Variants in SSU72 observed in about 807,000 individuals in gnomAD.
SSU72 encodes RNA polymerase II subunit A C-terminal domain phosphatase SSU72.
SSU72 carries 12 observed loss-of-function variants against 22.7 expected under a neutral mutation model. The ratio of observed to expected loss-of-function variants is 0.53; its 90% CI spans 0.34 to 0.86. The LOEUF is 0.86. Among genes scored for constraint, SSU72 ranks in the 40% least tolerant of loss-of-function variants. The pLI is 0.02. For synonymous variants in SSU72, 116 were observed against 98.3 expected (o/e 1.18, Z -1.06); for missense variants, 151 against 249.8 (o/e 0.60, Z 2.67).
intron 1 of SSU72, 56 bp downstream of exon 1, chr1:1,574,422 G>A (rs983680380): frequency 3.3e-6 from 5 of 1,532,648 alleles, no homozygotes; most frequent in African/African-American, 1.4e-5. Context: ...AACCGGGGAG[G>A]AGGGAGGGCC....
At position 1,574,549 on chromosome 1, in the gene SSU72, C is replaced by T; in HGVS notation, c.9G>A (p.Ser3=). The T allele has an allele frequency of 6.3e-7, 1 of 1,588,476 alleles. No homozygotes were observed. Among genetic ancestry groups the T allele is most frequent in the Non-Finnish European group, 8.5e-7 (1 of 1,170,208 alleles). MP[S]SPLRVAVVCS... is the part of the protein sequence containing the mutation. ...ACACCACCGCCACCCGCAGCGGGGA[C>T]GACGGCATGGCGGCGGCCGCAAATC... Residue 3 remains serine, a synonymous_variant, in exon 1 of 5, where the codon TCG becomes TCA. Transcript: ENST00000291386.
At position 1,574,459 on chromosome 1, in the gene SSU72, C is replaced by T. The variant is rs1305875943; in HGVS notation, c.80+19G>A. ...GTCGCCGGAGCAGAGCGCGCGGGGACAGGGTGGAGCCCAACTACCTGAGGA... is the reference window on the plus strand; with the variant it reads ...GTCGCCGGAGCAGAGCGCGCGGGGATAGGGTGGAGCCCAACTACCTGAGGA... On this transcript the variant is annotated intron_variant, in intron 1 of 4. Coordinates refer to ENST00000291386, the MANE Select transcript of SSU72 (RefSeq NM_014188.3). 1.6e-5 allele frequency: 26 copies of T among 1,587,626 alleles called. No homozygotes were observed. The highest frequency in any genetic ancestry group is 2.2e-5 in the Non-Finnish European group (26 of 1,169,690).
At chr1:1,544,446 C>T (rs936877780) in intron 3 of SSU72, among the ~76,000 whole-genome samples, 2 of 151,994 alleles carry the variant, frequency 1.3e-5, no homozygotes, top group Non-Finnish European at 2.9e-5. Flanking sequence ...GGTGAAACCC[C>T]GTCTCTACTA....
chr1:1,570,972 C>T (rs1030246027), intron 1 of SSU72, among the ~76,000 whole-genome samples: 1 of 151,908 alleles, frequency 6.6e-6, no homozygotes, highest in Non-Finnish European at 1.5e-5. Flanking sequence ...TTTGGCCGGG[C>T]GCGGTGGCTC....
chr1:1,544,752 C>G, intron 3 of SSU72, 111 bp downstream of exon 3: 1 of 1,518,352 alleles, frequency 6.6e-7, no homozygotes, highest in Non-Finnish European at 9.1e-7. Flanking sequence ...GTCTGCTCCC[C>G]GGCCCCCGCC....
intron 1 of SSU72, 111 bp from the exon 2 acceptor site, chr1:1,565,027 G>C (rs562590810): frequency 5.0e-6 from 7 of 1,390,040 alleles, no homozygotes; most frequent in Admixed American, 2.6e-5. Context: ...TTGGCTCATA[G>C]TAGAGAATAT....
chr1:1,574,751 G>T lies in SSU72; in HGVS notation c.-194C>A. 2.8e-6 allele frequency: 1 copy of T among 355,282 alleles called. No homozygotes were observed. The highest frequency in any genetic ancestry group is 4.8e-6 in the Non-Finnish European group (1 of 208,376). The allele number at this position is 355,282 out of a possible 1,614,324, so 22.0% of individuals were successfully genotyped here. A position where few individuals can be genotyped will look rare whatever the true frequency, so the allele number is the denominator to read the frequency against. ...GCGCCGGGCCGCGGACGGAGCGCAG[G>T]CACTGGCCTTCGGGCGCGCTGCACT... On this transcript the variant is annotated 5_prime_UTR_variant, in exon 1 of 5. Coordinates refer to ENST00000291386, the MANE Select transcript of SSU72 (RefSeq NM_014188.3).
chr1:1,574,427 AG>A, intron 1 of SSU72, 50 bp downstream of exon 1: 1 of 1,539,632 alleles, frequency 6.5e-7, no homozygotes, highest in Non-Finnish European at 8.8e-7. Context: ...GGGAGGAGGG[AG>A]GGCCGGTCGC....
intron 2 of SSU72, among the ~76,000 whole-genome samples, chr1:1,552,969 C>T (rs1001010486): frequency 2.0e-5 from 3 of 147,460 alleles, no homozygotes; most frequent in Admixed American, 1.4e-4. Context: ...TGCAGTGAGC[C>T]GAGATTGCGC....
rs554292758 is a variant in SSU72, at chr1:1,555,355, G to T, written c.224+9418C>A. ...CTCCTGGGAGCCTCGCTCCAGCGAGGACAGAGCTGCAGCTCAGCACAGTGA... is the reference window on the plus strand; with the variant it reads ...CTCCTGGGAGCCTCGCTCCAGCGAGTACAGAGCTGCAGCTCAGCACAGTGA... On this transcript the variant is annotated intron_variant, in intron 2 of 4. Coordinates refer to ENST00000291386, the MANE Select transcript of SSU72 (RefSeq NM_014188.3). Among the ~76,000 whole-genome samples, 3 of 152,332 alleles carry T rather than the reference G, an allele frequency of 2.0e-5. No homozygotes were observed. The East Asian group carries it at 5.8e-4, about 29-fold the overall frequency.
rs993462408 is a variant in SSU72, at chr1:1,554,318, G to A, written c.225-9316C>T. 1.3e-5 allele frequency among the ~76,000 whole-genome samples: 2 copies of A among 151,898 alleles called. No homozygotes were observed. The highest frequency in any genetic ancestry group is 4.8e-5 in the African/African-American group (2 of 41,356). On this transcript the variant is annotated intron_variant, in intron 2 of 4. Coordinates refer to ENST00000291386, the MANE Select transcript of SSU72 (RefSeq NM_014188.3). The surrounding 1 kb of genome is among the most constrained non-coding windows in gnomAD (Gnocchi z 4.1). ...ATCCGGACCACTCGGGGGTCCCCACGAAGCTGAGCATGAGGCGGATCCGGA... is the reference window on the plus strand; with the variant it reads ...ATCCGGACCACTCGGGGGTCCCCACAAAGCTGAGCATGAGGCGGATCCGGA...
intron 1 of SSU72, among the ~76,000 whole-genome samples, chr1:1,569,797 C>T (rs1052179677): frequency 6.6e-5 from 10 of 152,168 alleles, no homozygotes; most frequent in African/African-American, 2.4e-4. Context: ...GCCACCTTGC[C>T]AGGCCCAAAA....
At chr1:1,555,536 A>G (rs1455335894) in intron 2 of SSU72, among the ~76,000 whole-genome samples, 1 of 152,190 alleles carries the variant, frequency 6.6e-6, no homozygotes, top group Non-Finnish European at 1.5e-5. Context: ...CGAGTGTGCC[A>G]CAAGCGTGGA....
Position 1,543,965 on chromosome 1 carries a change from C to G in SSU72, c.387G>C (p.Glu129Asp). Residue 129 changes from glutamate to aspartate, a missense_variant, in exon 4 of 5, where the codon GAG (glutamate) becomes GAC (aspartate). Glu to Asp is a conservative substitution (Grantham distance 45, BLOSUM62 2). Transcript: ENST00000291386. ...TGACCACGTGCACAGGCTGGCAGGTCTCCTGTTCTCTGGAATTCAGATCTG... is the reference window on the plus strand; with the variant it reads ...TGACCACGTGCACAGGCTGGCAGGTGTCCTGTTCTCTGGAATTCAGATCTG... The part of the protein sequence containing the change: ...VVEDLNSREQ[E>D]TCQPVHVVNV... 6.2e-7 allele frequency: 1 copy of G among 1,613,796 alleles called. No homozygotes were observed. Among genetic ancestry groups the G allele is most frequent in the Non-Finnish European group, 8.5e-7 (1 of 1,179,868 alleles).
At position 1,552,486 on chromosome 1, in the gene SSU72, G is replaced by T. The variant is rs1204494123; in HGVS notation, c.225-7484C>A. ...GTGACTGACAGCACCTTCTACCAGG[G>T]TCTTGGTGCCTGAGCTGTGCCCCAC... is the stretch of plus-strand genomic sequence containing the variant. On this transcript the variant is annotated intron_variant, in intron 2 of 4. Transcript: ENST00000291386. Among the ~76,000 whole-genome samples, 4 of 152,206 alleles carry T rather than the reference G, an allele frequency of 2.6e-5. No individual in the cohort carries two copies. In the East Asian group the frequency reaches 7.7e-4, roughly 29 times the overall value.
intron 2 of SSU72, among the ~76,000 whole-genome samples, chr1:1,555,017 C>T (rs1401964512): frequency 6.6e-6 from 1 of 152,134 alleles, no homozygotes; most frequent in African/African-American, 2.4e-5. Context: ...ATGACTCATC[C>T]CAGAGCATGC....
In SSU72 at chr1:1,544,840, C is replaced by T. The variant is rs746389742; in HGVS notation, c.364+23G>A. The T allele has an allele frequency of 1.9e-6, 3 of 1,613,958 alleles. No homozygotes were observed. The African/African-American group carries it at 4.0e-5, about 22-fold the overall frequency. Reference sequence around the variant, plus strand: ...CCTGTGAGAGCTGCTGGAGCCCAGCCCAGCACGCAGCCGCCTCCTCACCTT... The same window carrying T: ...CCTGTGAGAGCTGCTGGAGCCCAGCTCAGCACGCAGCCGCCTCCTCACCTT... On this transcript the variant is annotated intron_variant, in intron 3 of 4. Transcript: ENST00000291386.
intron 4 of SSU72, among the ~76,000 whole-genome samples, chr1:1,543,260 G>C (rs916075164): frequency 6.6e-6 from 1 of 152,220 alleles, no homozygotes; most frequent in African/African-American, 2.4e-5. Flanking sequence ...GGCGGACACA[G>C]AGCCCTTGGC....
Position 1,564,826 on chromosome 1 carries a change from G to A in SSU72, c.171C>T (p.Phe57=), listed in dbSNP as rs1557504466. The change falls in exon 2 of 5, where the codon TTC becomes TTT. Residue 57 remains phenylalanine (F), a synonymous_variant. Transcript: ENST00000291386. The part of the protein sequence containing the change: ...PAPDKPNVYD[F]KTTYDQMYND... ...TGTACATCTGGTCATATGTGGTTTTGAAATCATAAACATTGGGCTTGTCGG... is the reference window on the plus strand; with the variant it reads ...TGTACATCTGGTCATATGTGGTTTTAAAATCATAAACATTGGGCTTGTCGG... 18 of 1,614,150 alleles carry A rather than the reference G, an allele frequency of 1.1e-5. No individual in the cohort carries two copies. Among genetic ancestry groups the A allele is most frequent in the Non-Finnish European group, 1.5e-5 (18 of 1,180,036 alleles).
Sources: allele counts gnomAD v4.1 joint callset (sites outside exome capture counted in the v4.1 genomes callset), GRCh38; gene constraint gnomAD v4.1.1; non-coding constraint Gnocchi (gnomAD v3.1); transcripts MANE v1.5; gene names NCBI Gene and HGNC (gene_info 2026-07-23, HGNC 2026-07-21).